Variants in MPI observed in about 807,000 individuals in gnomAD.
The protein encoded by MPI is mannose phosphate isomerase.
In MPI, 33 loss-of-function variants were observed where a neutral mutation model predicts 40.1. The ratio of observed to expected loss-of-function variants is 0.82; its 90% CI spans 0.62 to 1.10. The LOEUF (loss-of-function observed/expected upper bound fraction) is 1.10, where lower values mean the gene tolerates loss of function less well. Among genes scored for constraint, MPI ranks in the 50% least tolerant of loss-of-function variants. The probability of loss-of-function intolerance (pLI) is 0.00; values close to 1 mark genes in which losing one functional copy is unlikely to be tolerated. For missense variants in MPI, 514 were observed against 524.1 expected, an observed-to-expected ratio of 0.98 and a Z score of 0.19; for synonymous variants, 187 against 207.4, an observed-to-expected ratio of 0.90 and a Z score of 0.85.
chr15:74,890,386 AG>A, intron 1 of MPI, 140 bp from the exon 2 acceptor site: 3 of 1,091,496 alleles, frequency 2.7e-6, no homozygotes, highest in African/African-American at 1.5e-5. Flanking sequence ...CCTGCAGCGG[AG>A]GGGGGTCTCA....
In MPI at chr15:74,901,887, A is replaced by G. The variant is rs2064974253; in HGVS notation, c.*4157A>G. 2.6e-6 allele frequency: 1 copy of G among 385,268 alleles called. No homozygotes were observed. Among genetic ancestry groups the G allele is most frequent in the South Asian group, 1.4e-4 (1 of 6,904 alleles). 23.9% of individuals were successfully genotyped at this position (385,268 alleles called of 1,614,324 possible). A position where few individuals can be genotyped will look rare whatever the true frequency, so the allele number is the denominator to read the frequency against. On this transcript the variant is annotated 3_prime_UTR_variant, in exon 8 of 8. Transcript: ENST00000352410. ...ACCAAGGAAATACAAATAAATAAAT[A>G]TGAACATGTCAGAGCAGTTTTTCTC... is the stretch of plus-strand genomic sequence containing the variant.
chr15:74,893,395 C>T lies in MPI; in HGVS notation c.670+75C>T, dbSNP rs774435122. 3 of 1,535,454 alleles carry T rather than the reference C, an allele frequency of 2.0e-6. No homozygotes were observed. In the African/African-American group the frequency reaches 4.1e-5, roughly 21 times the overall value. On this transcript the variant is annotated intron_variant, in intron 5 of 7. Coordinates refer to ENST00000352410, the MANE Select transcript of MPI (RefSeq NM_002435.3). ...CCCAGCAGACACCAGACTCTGGGGA[C>T]AGTTCTCAACCCCCTTGCCCAAGTG... is the stretch of plus-strand genomic sequence containing the variant.
chr15:74,895,968 G>A (rs1284718945), intron 5 of MPI, 184 bp from the exon 6 acceptor site: 7 of 641,566 alleles, frequency 1.1e-5, no homozygotes, highest in Non-Finnish European at 1.7e-5. Flanking sequence ...GTATTTGTAT[G>A]GACTGGAGTA....
chr15:74,899,416 A>G lies in MPI; in HGVS notation c.*1686A>G, dbSNP rs1165428747. 1.3e-5 allele frequency: 2 copies of G among 152,196 alleles called. No individual in the cohort carries two copies. Among genetic ancestry groups the G allele is most frequent in the African/African-American group, 4.8e-5 (2 of 41,446 alleles). The allele number at this position is 152,196 out of a possible 1,614,324, so 9.4% of individuals were successfully genotyped here. On this transcript the variant is annotated 3_prime_UTR_variant, in exon 8 of 8. Coordinates refer to ENST00000352410, the MANE Select transcript of MPI (RefSeq NM_002435.3). ...CCTCCAAATTTTCTTCAGCTAAAAA[A>G]CAATAAAGATGAGCTGGAAAGAAAA...
intron 1 of MPI, 71 bp from the exon 2 acceptor site, chr15:74,890,456 G>T: frequency 6.2e-7 from 1 of 1,606,614 alleles, no homozygotes; most frequent in Non-Finnish European, 8.5e-7. Context: ...CCCAGCTCTT[G>T]CCTGGTTTCC....
chr15:74,896,493 T>C (rs2064820635), intron 6 of MPI, 168 bp downstream of exon 6: 2 of 758,906 alleles, frequency 2.6e-6, no homozygotes, highest in Non-Finnish European at 4.6e-6. Flanking sequence ...GGATGATGAA[T>C]GCATTTAGCA....
chr15:74,893,435 GC>G, intron 5 of MPI, 115 bp downstream of exon 5: 1 of 1,210,340 alleles, frequency 8.3e-7, no homozygotes, highest in Non-Finnish European at 1.2e-6. Context: ...ACTAAAAGGG[GC>G]CCCACTTAGA....
chr15:74,893,025 C>A, intron 4 of MPI, 113 bp from the exon 5 acceptor site: 1 of 1,436,100 alleles, frequency 7.0e-7, no homozygotes, highest in Non-Finnish European at 9.7e-7. Flanking sequence ...GTTTACTTAG[C>A]ATTGCCGGCT....
At chr15:74,890,370 T>A (rs2064705739) in intron 1 of MPI, 157 bp from the exon 2 acceptor site, 1 of 995,086 alleles carries the variant, frequency 1.0e-6, no homozygotes, top group Admixed American at 2.0e-5. Context: ...GTTGGGAACA[T>A]CGAGGCCTGC....
intron 6 of MPI, chr15:74,896,532 C>G: frequency 1.4e-6 from 1 of 697,740 alleles, no homozygotes; most frequent in South Asian, 1.5e-5. Flanking sequence ...CTGACACCAA[C>G]CCTGTGATGC....
At chr15:74,890,264 C>T (rs2064704101) in intron 1 of MPI, 175 bp downstream of exon 1, 1 of 1,000,882 alleles carries the variant, frequency 1.0e-6, no homozygotes, top group South Asian at 1.4e-5. Context: ...GGAGGGGGCC[C>T]TTCTAGACGT....
chr15:74,898,483 A>C lies in MPI; in HGVS notation c.*753A>C, dbSNP rs2064856330. ...ACAGCTTGCAAGCAGCCCTACAGAG[A>C]AGGTGACTCAAAGGATACACCAGTC... is the stretch of plus-strand genomic sequence containing the variant. On this transcript the variant is annotated 3_prime_UTR_variant, in exon 8 of 8. Coordinates refer to ENST00000352410, the MANE Select transcript of MPI (RefSeq NM_002435.3). 1 of 156,920 alleles carries C rather than the reference A, an allele frequency of 6.4e-6. No individual in the cohort carries two copies. The highest frequency in any genetic ancestry group is 1.4e-5 in the Non-Finnish European group (1 of 70,628). 9.7% of individuals were successfully genotyped at this position (156,920 alleles called of 1,614,324 possible). A position where few individuals can be genotyped will look rare whatever the true frequency, so the allele number is the denominator to read the frequency against.
chr15:74,890,980 G>A, intron 2 of MPI: 1 of 568,022 alleles, frequency 1.8e-6, no homozygotes, highest in South Asian at 1.5e-5. Flanking sequence ...CCTATTTAGT[G>A]GAGAAAAAGC....
At chr15:74,895,289 T>C (rs1437613583) in intron 5 of MPI, 1 of 150,808 alleles carries the variant, frequency 6.6e-6, no homozygotes, top group African/African-American at 2.4e-5. Flanking sequence ...CACAGAACTT[T>C]CAGTGCTAAA....
At position 74,898,088 on chromosome 15, in the gene MPI, G is replaced by A. The variant is rs117375132; in HGVS notation, c.*358G>A. On this transcript the variant is annotated 3_prime_UTR_variant, in exon 8 of 8. Transcript: ENST00000352410. ...AGCATCTGTCAGAGCAAGAGACCAG[G>A]TAATTTCTAAGAACAGGGTTCTAGC... is the stretch of plus-strand genomic sequence containing the variant. 9,445 of 379,460 alleles carry A rather than the reference G, an allele frequency of 0.025. 243 individuals carry two copies. The highest frequency in any genetic ancestry group is 0.063 in the South Asian group (2,932 of 46,418). 23.5% of individuals were successfully genotyped at this position (379,460 alleles called of 1,614,324 possible).
At position 74,899,579 on chromosome 15, in the gene MPI, G is replaced by A. The variant is rs983450184; in HGVS notation, c.*1849G>A. ...GAGGGAGTTTCCAGAAGGAATTGCT[G>A]TAGTCAGCTGTTAAGCTATTTCTTC... On this transcript the variant is annotated 3_prime_UTR_variant, in exon 8 of 8. Transcript: ENST00000352410. 1 of 152,220 alleles carries A rather than the reference G, an allele frequency of 6.6e-6. No homozygotes were observed. The highest frequency in any genetic ancestry group is 2.4e-5 in the African/African-American group (1 of 41,466). 9.4% of individuals were successfully genotyped at this position (152,220 alleles called of 1,614,324 possible).
intron 2 of MPI, chr15:74,890,931 A>G (rs965280267): frequency 1.7e-6 from 1 of 597,856 alleles, no homozygotes; most frequent in South Asian, 1.6e-5. Context: ...TACTTTGACT[A>G]TTTTTTTGCA....
intron 2 of MPI, 67 bp downstream of exon 2, chr15:74,890,721 A>G: frequency 4.4e-6 from 7 of 1,603,752 alleles, no homozygotes; most frequent in Non-Finnish European, 1.7e-6. Flanking sequence ...GAGGCAAGTC[A>G]TAAGAATCAG....
intron 5 of MPI, among the ~76,000 whole-genome samples, chr15:74,894,744 A>G (rs927052263): frequency 2.7e-5 from 4 of 150,268 alleles, no homozygotes; most frequent in Admixed American, 2.7e-4. Context: ...TCTAGATTGC[A>G]CCACTGCACT....
Sources: allele counts gnomAD v4.1 joint callset (sites outside exome capture counted in the v4.1 genomes callset), GRCh38; gene constraint gnomAD v4.1.1; transcripts MANE v1.5; gene names NCBI Gene and HGNC (gene_info 2026-07-23, HGNC 2026-07-21).